Variants in CNST observed in about 807,000 individuals in gnomAD.
CNST encodes the protein consortin.
In CNST, 39 loss-of-function variants were observed where a neutral mutation model predicts 72.4. The observed-to-expected ratio is 0.54, with a 90% CI of 0.42 to 0.70. CNST has a LOEUF of 0.70. Among genes scored for constraint, CNST ranks in the 30% least tolerant of loss-of-function variants. CNST has a pLI of 0.00. For missense variants in CNST, 871 were observed against 868.5 expected, an observed-to-expected ratio of 1.00 and a Z score of -0.04; for synonymous variants, 332 against 320.1, an observed-to-expected ratio of 1.04 and a Z score of -0.40.
rs778636367 is a variant in CNST at position 246,620,792 on chromosome 1, ACT to A, written c.380-634_380-633del. Among the ~76,000 whole-genome samples the A allele has an allele frequency of 9.0e-5, 13 of 143,828 alleles. No homozygotes were observed. In the East Asian group the frequency reaches 1.5e-3, roughly 16 times the overall value. The allele number at this position is 143,828 out of a possible 152,430, so 94.4% of individuals were successfully genotyped here. On this transcript the variant is annotated intron_variant, in intron 2 of 10. Transcript: ENST00000366513. ...CATACACACGATGGGCTCTGGGCAC[ACT>A]CTACAGGGAAGACGGCTTCAGTCGT...
intron 9 of CNST, among the ~76,000 whole-genome samples, chr1:246,654,906 G>A (rs140669430): frequency 1.2e-3 from 188 of 152,136 alleles, no homozygotes; most frequent in African/African-American, 4.3e-3. Flanking sequence ...CACAGATCAA[G>A]TCCCTGCTCT....
chr1:246,640,067 C>T (rs568384903), intron 6 of CNST, among the ~76,000 whole-genome samples: 7 of 152,256 alleles, frequency 4.6e-5, no homozygotes, highest in African/African-American at 1.7e-4. Context: ...TATTCATCCC[C>T]CCAAGCTTTC....
Position 246,666,025 on chromosome 1 carries a change from C to A in CNST, c.*120C>A. ...TCCCTCTGTTAGGAACCAAGGACAT[C>A]AGAAATAGCAACTTTAAGTGGCAAG... On this transcript the variant is annotated 3_prime_UTR_variant, in exon 11 of 11. Transcript: ENST00000366513. 1 of 684,934 alleles carries A rather than the reference C, an allele frequency of 1.5e-6. No homozygotes were observed. The highest frequency in any genetic ancestry group is 2.4e-6 in the Non-Finnish European group (1 of 412,538). 42.4% of individuals were successfully genotyped at this position (684,934 alleles called of 1,614,324 possible).
At chr1:246,582,472 C>T (rs1381078123) in intron 1 of CNST, among the ~76,000 whole-genome samples, 1 of 151,990 alleles carries the variant, frequency 6.6e-6, no homozygotes, top group African/African-American at 2.4e-5. Flanking sequence ...CCTCAGCCTC[C>T]CTAGTAGCTG....
intron 9 of CNST, chr1:246,648,259 A>T: frequency 7.7e-7 from 1 of 1,301,134 alleles, no homozygotes; most frequent in Non-Finnish European, 9.8e-7. Flanking sequence ...GTTCTATTGC[A>T]TGCCTCCAGC....
chr1:246,656,525 G>C (rs959778420), intron 9 of CNST, among the ~76,000 whole-genome samples: 1 of 152,096 alleles, frequency 6.6e-6, no homozygotes, highest in Non-Finnish European at 1.5e-5. Flanking sequence ...ATATTTGTTT[G>C]GGTAAGAATT....
intron 10 of CNST, among the ~76,000 whole-genome samples, chr1:246,660,582 G>A (rs906440827): frequency 6.6e-6 from 1 of 152,162 alleles, no homozygotes; most frequent in South Asian, 2.1e-4. Flanking sequence ...AAAAATTAGC[G>A]AGTGTGGGGG....
chr1:246,593,897 G>T (rs1474379177), intron 2 of CNST, among the ~76,000 whole-genome samples: 1 of 152,060 alleles, frequency 6.6e-6, no homozygotes, highest in South Asian at 2.1e-4. Flanking sequence ...GGAGTAGCTC[G>T]GACAACAGGC....
chr1:246,599,947 A>T (rs1020013677), intron 2 of CNST, among the ~76,000 whole-genome samples: 10 of 152,228 alleles, frequency 6.6e-5, no homozygotes, highest in African/African-American at 2.4e-4. Context: ...TGAGGGAGCC[A>T]CGTAACTAAC....
At chr1:246,608,122 A>G (rs1224914220) in intron 2 of CNST, 1 of 152,006 alleles carries the variant, frequency 6.6e-6, no homozygotes, top group Non-Finnish European at 1.5e-5. Flanking sequence ...CAAAACAAAA[A>G]CCAGCCTGGA....
chr1:246,627,774 A>G (rs2103089489), intron 3 of CNST, among the ~76,000 whole-genome samples: 1 of 152,290 alleles, frequency 6.6e-6, no homozygotes, highest in Non-Finnish European at 1.5e-5. Flanking sequence ...CATCTAGGCT[A>G]AAGTGGTGAC....
At chr1:246,584,219 A>G (rs921777534) in intron 1 of CNST, among the ~76,000 whole-genome samples, 2 of 152,214 alleles carry the variant, frequency 1.3e-5, no homozygotes, top group African/African-American at 2.4e-5. Context: ...CCAGCCACAT[A>G]TGTTGGCTTT....
chr1:246,665,388 A>G (rs1262894793), intron 10 of CNST, among the ~76,000 whole-genome samples: 5 of 152,172 alleles, frequency 3.3e-5, no homozygotes, highest in African/African-American at 1.2e-4. Flanking sequence ...ACAAACAAAA[A>G]TGAATGAATT....
chr1:246,621,550 G>A lies in CNST; in HGVS notation c.501G>A (p.Lys167=), dbSNP rs903512499. Reference sequence around the variant, plus strand: ...CTAATGAGCAGCCAGAGGCGCCAAAGCTTGTTCTGCAGTCTCTGTTTTCAC... The same window carrying A: ...CTAATGAGCAGCCAGAGGCGCCAAAACTTGTTCTGCAGTCTCTGTTTTCAC... ...VNANEQPEAP[K]LVLQSLFSLI... Residue 167 remains lysine, a synonymous_variant, in exon 3 of 11, where the codon AAG becomes AAA. Transcript: ENST00000366513. 3.7e-6 allele frequency: 6 copies of A among 1,614,200 alleles called. No individual in the cohort carries two copies. The African/African-American group carries it at 6.7e-5, about 18-fold the overall frequency.
chr1:246,653,212 T>C (rs1183771350), intron 9 of CNST, among the ~76,000 whole-genome samples: 1 of 152,198 alleles, frequency 6.6e-6, no homozygotes, highest in African/African-American at 2.4e-5. Context: ...AGAGAAGCTA[T>C]CTAATCGAAG....
chr1:246,613,179 C>G (rs7538605), intron 2 of CNST, among the ~76,000 whole-genome samples: 96,297 of 152,004 alleles, frequency 0.63, 30,808 homozygotes, highest in South Asian at 0.78. Context: ...CATCCCAGGA[C>G]TTCATCCCAG....
chr1:246,566,880 G>A, intron 1 of CNST: 1 of 383,116 alleles, frequency 2.6e-6, no homozygotes. Flanking sequence ...TCCTATTGCT[G>A]CGCGTCGCGC....
chr1:246,567,183 A>G (rs1659762303), intron 1 of CNST, among the ~76,000 whole-genome samples: 1 of 152,220 alleles, frequency 6.6e-6, no homozygotes, highest in South Asian at 2.1e-4. Flanking sequence ...ATTAAAAATG[A>G]AGATGTAAAA....
chr1:246,615,066 G>T (rs935493497), intron 2 of CNST, among the ~76,000 whole-genome samples: 1 of 152,162 alleles, frequency 6.6e-6, no homozygotes, highest in East Asian at 1.9e-4. Flanking sequence ...AAGCTAAACG[G>T]AGCAGTTATA....
Sources: allele counts gnomAD v4.1 joint callset (sites outside exome capture counted in the v4.1 genomes callset), GRCh38; gene constraint gnomAD v4.1.1; transcripts MANE v1.5; gene names NCBI Gene and HGNC (gene_info 2026-07-23, HGNC 2026-07-21).